KIAA0513: variants seen among roughly 807,000 people sequenced by gnomAD.
KIAA0513 encodes the protein KIAA0513.
A neutral mutation model predicts 56.5 loss-of-function variants in KIAA0513; 39 were observed. That is an observed-to-expected ratio of 0.69 (90% CI 0.53 to 0.90). The LOEUF is 0.90. Ranked by LOEUF, KIAA0513 falls within the 40% of genes least tolerant of loss-of-function variation. The pLI is 0.00. For synonymous variants in KIAA0513, 268 were observed against 215.6 expected (o/e 1.24, Z -2.13); for missense variants, 591 against 535.2 (o/e 1.10, Z -1.03).
chr16:85,053,277 G>A (rs901086419), intron 1 of KIAA0513, among the ~76,000 whole-genome samples: 4 of 152,134 alleles, frequency 2.6e-5, no homozygotes, highest in African/African-American at 4.8e-5. Flanking sequence ...CCTGATACAC[G>A]GAAGGTACTC....
Position 85,042,343 on chromosome 16 carries a change from C to T in KIAA0513, c.-173+14485C>T, listed in dbSNP as rs74033921. On this transcript the variant is annotated intron_variant, in intron 1 of 12. Coordinates refer to ENST00000683363, the MANE Select transcript of KIAA0513 (RefSeq NM_001388359.1). ...GGAGACCTATAGGTTGAGTCTTTTC[C>T]CATGGTGTTGGTCGAGGGAGTATTA... is the stretch of plus-strand genomic sequence containing the variant. 2.4e-3 allele frequency among the ~76,000 whole-genome samples: 372 copies of T among 152,236 alleles called. 2 individuals carry two copies. The highest frequency in any genetic ancestry group is 8.8e-3 in the African/African-American group (364 of 41,542).
chr16:85,062,211 AACACACACAC>A (rs5818523), intron 1 of KIAA0513, among the ~76,000 whole-genome samples: 1 of 149,382 alleles, frequency 6.7e-6, no homozygotes, highest in African/African-American at 2.5e-5. Flanking sequence ...TACGTACGTA[AACACACACAC>A]ACACACACAC....
At position 85,076,163 on chromosome 16, in the gene KIAA0513, A is replaced by T. The variant is rs1017321421; in HGVS notation, c.574+249A>T. 4.6e-5 allele frequency among the ~76,000 whole-genome samples: 7 copies of T among 152,302 alleles called. No homozygotes were observed. The highest frequency in any genetic ancestry group is 3.4e-3 in the Middle Eastern group (1 of 294). On this transcript the variant is annotated intron_variant, in intron 5 of 12. Transcript: ENST00000683363. This position sits in a 1 kb window ranked among gnomAD's most constrained non-coding sequence, Gnocchi z 4.7. The stretch of plus-strand genomic sequence containing the variant: ...AGGTTGACTGACCAGGGTGCAAAGG[A>T]AACTCCTGAGCTGGTAGGAGATGAG...
rs948099945 is a variant in KIAA0513, at chr16:85,092,482, C to T, written c.*4157C>T. ...GCCTCAGGGACGGGGAGGGAGAGCC[C>T]CCTCTGGGCCCAGCAGGCAGGTGTT... On this transcript the variant is annotated 3_prime_UTR_variant, in exon 13 of 13. Coordinates refer to ENST00000683363, the MANE Select transcript of KIAA0513 (RefSeq NM_001388359.1). The T allele has an allele frequency of 1.3e-5, 2 of 152,156 alleles. No individual in the cohort carries two copies. Among genetic ancestry groups the T allele is most frequent in the Non-Finnish European group, 2.9e-5 (2 of 68,032 alleles). 9.4% of individuals were successfully genotyped at this position (152,156 alleles called of 1,614,324 possible).
chr16:85,078,383 CGT>C (rs1567543619), intron 6 of KIAA0513, 30 bp from the exon 7 acceptor site: 2 of 1,613,218 alleles, frequency 1.2e-6, no homozygotes, highest in Admixed American at 3.3e-5. Context: ...GTGTGAGTCG[CGT>C]GTGTCATCAT....
intron 1 of KIAA0513, among the ~76,000 whole-genome samples, chr16:85,044,585 C>T (rs1308123618): frequency 4.0e-5 from 6 of 151,748 alleles, no homozygotes; most frequent in African/African-American, 1.5e-4. Context: ...CAGCTCACAG[C>T]AACCTCTGCC....
chr16:85,075,777 T>G, intron 4 of KIAA0513, 67 bp from the exon 5 acceptor site: 1 of 1,419,308 alleles, frequency 7.0e-7, no homozygotes, highest in Non-Finnish European at 1.0e-6. Context: ...CTCAGTGATG[T>G]CTGACCGACT....
In KIAA0513 at chr16:85,055,347, A is replaced by G. The variant is rs139833637; in HGVS notation, c.-172-11553A>G. On this transcript the variant is annotated intron_variant, in intron 1 of 12. Coordinates refer to ENST00000683363, the MANE Select transcript of KIAA0513 (RefSeq NM_001388359.1). ...AGTGGTAAGACACATGTGATTTCAGATATCTTAAAGTGCAAAAGAAAATAA... is the reference window on the plus strand; with the variant it reads ...AGTGGTAAGACACATGTGATTTCAGGTATCTTAAAGTGCAAAAGAAAATAA... 3.0e-3 allele frequency among the ~76,000 whole-genome samples: 453 copies of G among 152,326 alleles called. 3 individuals carry two copies. The highest frequency in any genetic ancestry group is 0.01 in the African/African-American group (429 of 41,566).
Position 85,081,353 on chromosome 16 carries a change from C to T in KIAA0513, c.941C>T (p.Ala314Val), listed in dbSNP as rs1324868622. ...TTCTGGAATGCAGCCTTTTTTGACG[C>T]TGTCCATTGTGAGAGGACAAAGCGA... The part of the protein sequence containing the change: ...LRFWNAAFFD[A>V]VHCERTKRSP... The change falls in exon 9 of 13, where the codon GCT becomes GTT. Residue 314 changes from alanine to valine, a missense_variant. By Grantham distance (64) the Ala-to-Val change is moderately conservative. Transcript: ENST00000683363. The surrounding 1 kb of genome is among the most constrained non-coding windows in gnomAD (Gnocchi z 4.4). 6.3e-7 allele frequency: 1 copy of T among 1,597,698 alleles called. No individual in the cohort carries two copies. Among genetic ancestry groups the T allele is most frequent in the African/African-American group, 1.3e-5 (1 of 74,472 alleles).
At chr16:85,069,770 G>A (rs2073544535) in intron 2 of KIAA0513, among the ~76,000 whole-genome samples, 1 of 152,076 alleles carries the variant, frequency 6.6e-6, no homozygotes, top group African/African-American at 2.4e-5. Flanking sequence ...TGGCCCCACT[G>A]AGTGAGAACG....
intron 1 of KIAA0513, among the ~76,000 whole-genome samples, chr16:85,037,007 A>G (rs2073044813): frequency 6.6e-6 from 1 of 152,074 alleles, no homozygotes; most frequent in South Asian, 2.1e-4. Flanking sequence ...CATGGCCAGG[A>G]CCCATAGCAC....
chr16:85,071,110 G>A (rs16975185), intron 2 of KIAA0513, among the ~76,000 whole-genome samples: 11,537 of 151,020 alleles, frequency 0.076, 1,429 homozygotes, highest in African/African-American at 0.26. Flanking sequence ...TTGGCCCCTT[G>A]CAAAGAGTGA....
Position 85,060,576 on chromosome 16 carries a change from C to T in KIAA0513, c.-172-6324C>T, listed in dbSNP as rs538765603. On this transcript the variant is annotated intron_variant, in intron 1 of 12. Transcript: ENST00000683363. ...AGGTCAGGCCAGGCACGGCGGCTCA[C>T]GCCTGTAATCCCAGCACTTTGGGAG... Among the ~76,000 whole-genome samples, 233 of 152,274 alleles carry T rather than the reference C, an allele frequency of 1.5e-3. 1 individual carries two copies. Among genetic ancestry groups the T allele is most frequent in the African/African-American group, 4.8e-3 (199 of 41,562 alleles).
At chr16:85,034,986 C>T (rs1163806494) in intron 1 of KIAA0513, among the ~76,000 whole-genome samples, 2 of 152,208 alleles carry the variant, frequency 1.3e-5, no homozygotes, top group African/African-American at 4.8e-5. Context: ...CTCTGCAGGG[C>T]GCTGGGCCCC....
chr16:85,078,881 T>C (rs776264594), intron 7 of KIAA0513, 44 bp from the exon 8 acceptor site: 2 of 1,609,102 alleles, frequency 1.2e-6, no homozygotes, highest in Admixed American at 3.3e-5. Flanking sequence ...CAACAGTGGG[T>C]GCGCAACCAG....
chr16:85,039,831 G>GT (rs1464461305), intron 1 of KIAA0513, among the ~76,000 whole-genome samples: 18 of 150,132 alleles, frequency 1.2e-4, no homozygotes, highest in Non-Finnish European at 2.4e-4. Flanking sequence ...AGAAAGAAAG[G>GT]TTTTCTTTTC....
chr16:85,067,442 G>A, intron 2 of KIAA0513, 42 bp downstream of exon 2: 2 of 1,473,660 alleles, frequency 1.4e-6, no homozygotes, highest in Non-Finnish European at 9.2e-7. Context: ...TGTGGCCACA[G>A]GGCCCAAGGG....
At chr16:85,075,994 T>A (rs1211048849) in intron 5 of KIAA0513, 80 bp downstream of exon 5, 1 of 1,161,982 alleles carries the variant, frequency 8.6e-7, no homozygotes, top group Admixed American at 1.7e-5. Context: ...GCTTTCTTCA[T>A]GATAAAAAGC....
intron 1 of KIAA0513, among the ~76,000 whole-genome samples, chr16:85,030,409 T>C (rs2072947813): frequency 1.3e-5 from 2 of 152,124 alleles, no homozygotes; most frequent in Non-Finnish European, 2.9e-5. Context: ...AACCGTTTTT[T>C]ATATGTGGCA....
Sources: gnomAD v4.1 joint callset for allele counts (sites outside exome capture counted in the v4.1 genomes callset) on GRCh38, gnomAD v4.1.1 for gene constraint, Gnocchi (gnomAD v3.1) non-coding constraint, MANE v1.5 for transcripts, NCBI Gene and HGNC (gene_info 2026-07-23, HGNC 2026-07-21) for gene names.